KCNT1: variants seen among roughly 807,000 people sequenced by gnomAD.
The protein encoded by KCNT1 is potassium sodium-activated channel subfamily T member 1, also known as potassium channel subfamily T member 1.
KCNT1 carries 78 observed loss-of-function variants against 147.8 expected under a neutral mutation model. The observed-to-expected ratio is 0.53, with a 90% CI of 0.44 to 0.64. The LOEUF is 0.64. Ranked by LOEUF, KCNT1 falls within the 30% of genes least tolerant of loss-of-function variation. KCNT1 has a pLI of 0.00. For missense variants in KCNT1, 1,419 were observed against 1,750.3 expected, an observed-to-expected ratio of 0.81 and a Z score of 3.38; for synonymous variants, 867 against 748.8, an observed-to-expected ratio of 1.16 and a Z score of -2.58.
intron 2 of KCNT1, among the ~76,000 whole-genome samples, chr9:135,743,708 A>G (rs956462252): frequency 4.6e-5 from 7 of 152,192 alleles, no homozygotes; most frequent in African/African-American, 1.7e-4. Flanking sequence ...CCGAGGCTAT[A>G]GTGTGTGCCG....
chr9:135,768,072 A>C (rs1191219226), intron 13 of KCNT1, among the ~76,000 whole-genome samples: 51 of 125,424 alleles, frequency 4.1e-4, no homozygotes, highest in Admixed American at 1.4e-3. Flanking sequence ...TGGCTCCTGA[A>C]CCCTGCCCCC....
intron 18 of KCNT1, 112 bp from the exon 19 acceptor site, chr9:135,772,603 G>A (rs959567880): frequency 1.4e-6 from 1 of 697,348 alleles, no homozygotes; most frequent in African/African-American, 1.9e-5. Context: ...GAGCACAGGA[G>A]CCAGGCCATG....
rs921956124 is a variant in KCNT1, at chr9:135,730,566, G to T, written c.254+15846G>T. On this transcript the variant is annotated intron_variant, in intron 2 of 30. Transcript: ENST00000371757. This position sits in a 1 kb window ranked among gnomAD's most constrained non-coding sequence, Gnocchi z 4.7. ...GCGATGGGAGGAGGGGCCCAGCCGG[G>T]GAGGGTGGTGGTCACCGGAAGCTGG... Among the ~76,000 whole-genome samples the T allele has an allele frequency of 2.0e-5, 3 of 152,166 alleles. No homozygotes were observed. The highest frequency in any genetic ancestry group is 4.4e-5 in the Non-Finnish European group (3 of 68,028).
At chr9:135,769,187 GCA>G (rs57569989) in intron 15 of KCNT1, among the ~76,000 whole-genome samples, 22 of 145,906 alleles carry the variant, frequency 1.5e-4, no homozygotes, top group African/African-American at 3.4e-4. Context: ...GGGCGCGTGT[GCA>G]CACGTGGGTG....
At chr9:135,786,154 CAGCCTCACCCCTCCCCGCCCT>C in intron 28 of KCNT1, 22 bp from the exon 29 acceptor site, 1 of 1,554,954 alleles carries the variant, frequency 6.4e-7, no homozygotes, top group South Asian at 1.2e-5. Context: ...ACCCTCCCGG[CAGCCTCACCCCTCCCCGCCCT>C]GCCCTGCCCT....
intron 7 of KCNT1, 95 bp from the exon 8 acceptor site, chr9:135,757,061 T>TG (rs1208285812): frequency 9.2e-7 from 1 of 1,085,096 alleles, no homozygotes; most frequent in Non-Finnish European, 1.3e-6. Context: ...ACCTCCAGGG[T>TG]GGGCTCCTCG....
At position 135,752,965 on chromosome 9, in the gene KCNT1, G is replaced by A. The variant is rs1388019946; in HGVS notation, c.435-972G>A. Among the ~76,000 whole-genome samples, 24 of 150,914 alleles carry A rather than the reference G, an allele frequency of 1.6e-4. No homozygotes were observed. The East Asian group carries it at 3.2e-3, about 20-fold the overall frequency. ...TAAGTAGATGGATAGATGGATGAGT[G>A]GATGGATGATGAGCAGATGGTTGGA... On this transcript the variant is annotated intron_variant, in intron 4 of 30. Coordinates refer to ENST00000371757, the MANE Select transcript of KCNT1 (RefSeq NM_020822.3). This position sits in a 1 kb window ranked among gnomAD's most constrained non-coding sequence, Gnocchi z 5.1.
At chr9:135,706,494 G>A (rs1391926619) in intron 1 of KCNT1, among the ~76,000 whole-genome samples, 6 of 152,152 alleles carry the variant, frequency 3.9e-5, no homozygotes, top group Admixed American at 1.3e-4. Context: ...TGGCACCGTC[G>A]CCCTGGGGCA....
chr9:135,779,413 C>T lies in KCNT1; in HGVS notation c.2784C>T (p.Arg928=), dbSNP rs1833437602. 6.2e-7 allele frequency: 1 copy of T among 1,613,916 alleles called. No homozygotes were observed. Among genetic ancestry groups the T allele is most frequent in the African/African-American group, 1.3e-5 (1 of 74,926 alleles). ...AGCTCACCCACCCTTCCAACATGCGCTTCATGCAGTTCCGCGCCAAGGACA... is the reference window on the plus strand; with the variant it reads ...AGCTCACCCACCCTTCCAACATGCGTTTCATGCAGTTCCGCGCCAAGGACA... ...TTELTHPSNM[R]FMQFRAKDSY... is the part of the protein sequence containing the mutation. Residue 928 remains arginine, a synonymous_variant, in exon 24 of 31, where the codon CGC becomes CGT. Coordinates refer to ENST00000371757, the MANE Select transcript of KCNT1 (RefSeq NM_020822.3).
At chr9:135,766,416 T>A (rs1832289454) in intron 13 of KCNT1, among the ~76,000 whole-genome samples, 1 of 151,840 alleles carries the variant, frequency 6.6e-6, no homozygotes, top group East Asian at 2.0e-4. Context: ...AGGTGGACCA[T>A]CTAGGGTGGA....
chr9:135,770,099 C>A, intron 16 of KCNT1, 44 bp downstream of exon 16: 1 of 1,503,316 alleles, frequency 6.7e-7, no homozygotes, highest in Non-Finnish European at 9.0e-7. Context: ...ATGGCGGGGC[C>A]GGCGCAGGGA....
At chr9:135,787,921 G>GC (rs546055750) in intron 29 of KCNT1, among the ~76,000 whole-genome samples, 1 of 152,194 alleles carries the variant, frequency 6.6e-6, no homozygotes, top group East Asian at 1.9e-4. Flanking sequence ...ACCGCTGCCT[G>GC]CCCCCAGAGC....
chr9:135,706,447 GGGGT>G (rs1835258432), intron 1 of KCNT1, among the ~76,000 whole-genome samples: 1 of 152,232 alleles, frequency 6.6e-6, no homozygotes, highest in Non-Finnish European at 1.5e-5. Flanking sequence ...CAACAGTGCC[GGGGT>G]GTGGTGTGTG....
chr9:135,755,332 G>A (rs182164369), intron 6 of KCNT1, among the ~76,000 whole-genome samples, 163 bp downstream of exon 6: 3 of 150,178 alleles, frequency 2.0e-5, no homozygotes, highest in East Asian at 2.0e-4. Flanking sequence ...GAGCACTGAG[G>A]ACAGACCCAG....
At position 135,791,846 on chromosome 9, in the gene KCNT1, T is replaced by C. The variant is rs1588422562; in HGVS notation, c.3552T>C (p.Pro1184=). ...QNTLSYVLIN[P]PPDTRLEPSD... is the part of the protein sequence containing the mutation. ...CCCTCTCCTACGTCCTCATCAACCC[T>C]CCGCCCGACACGAGGCTGGAGCCCA... The change falls in exon 30 of 31, where the codon CCT becomes CCC. Residue 1184 remains proline (P), a synonymous_variant. Transcript: ENST00000371757. The C allele has an allele frequency of 6.2e-7, 1 of 1,613,386 alleles. No homozygotes were observed. Among genetic ancestry groups the C allele is most frequent in the Non-Finnish European group, 8.5e-7 (1 of 1,179,806 alleles).
intron 2 of KCNT1, among the ~76,000 whole-genome samples, chr9:135,739,704 T>C (rs1830484302): frequency 6.6e-6 from 1 of 151,916 alleles, no homozygotes; most frequent in South Asian, 2.1e-4. Flanking sequence ...ACCCCTGAGG[T>C]GCCCCCGCCC....
At chr9:135,716,682 G>A (rs778442302) in intron 2 of KCNT1, among the ~76,000 whole-genome samples, 1 of 152,204 alleles carries the variant, frequency 6.6e-6, no homozygotes, top group African/African-American at 2.4e-5. Flanking sequence ...CACATGGGTT[G>A]TGTGCCGATG....
At chr9:135,703,167 C>T in intron 1 of KCNT1, 1 of 152,720 alleles carries the variant, frequency 6.5e-6, no homozygotes, top group Non-Finnish European at 1.5e-5. Context: ...GCCCCTCACC[C>T]TGTCCCCAGA....
intron 2 of KCNT1, among the ~76,000 whole-genome samples, chr9:135,738,196 CA>C (rs1830417382): frequency 6.6e-6 from 1 of 152,230 alleles, no homozygotes; most frequent in African/African-American, 2.4e-5. Context: ...CCCGCATGTT[CA>C]TCCCAGCCCT....
Sources: gnomAD v4.1 joint callset for allele counts (sites outside exome capture counted in the v4.1 genomes callset) on GRCh38, gnomAD v4.1.1 for gene constraint, Gnocchi (gnomAD v3.1) non-coding constraint, MANE v1.5 for transcripts, NCBI Gene and HGNC (gene_info 2026-07-23, HGNC 2026-07-21) for gene names.